ZDHHC23: variants seen among roughly 807,000 people sequenced by gnomAD.
ZDHHC23 encodes the protein zDHHC palmitoyltransferase 23.
A neutral mutation model predicts 40.2 loss-of-function variants in ZDHHC23; 41 were observed. That is an observed-to-expected ratio of 1.02 (90% CI 0.79 to 1.32). ZDHHC23 has a LOEUF of 1.32. ZDHHC23 is among the 40% of genes most tolerant of loss of function. The pLI is 0.00. For missense variants in ZDHHC23, 471 were observed against 541.5 expected (o/e 0.87, Z 1.29); for synonymous variants, 204 against 210.2 (o/e 0.97, Z 0.26).
rs566514166 is a variant in ZDHHC23 at position 113,956,442 on chromosome 3, A to C, written c.976A>C (p.Ile326Leu). ...VYGITLTLDT[I>L]CRDRSVFTAL... ...TGGGATCACACTGACCTTGGACACCATTTGTAGAGACAGAAGTGTCTTCAC... is the reference window on the plus strand; with the variant it reads ...TGGGATCACACTGACCTTGGACACCCTTTGTAGAGACAGAAGTGTCTTCAC... Residue 326 changes from isoleucine (I) to leucine (L), a missense_variant, in exon 4 of 5, where the codon ATT (isoleucine) becomes CTT (leucine). Physicochemically the swap from Ile to Leu is conservative, Grantham distance 5. Transcript: ENST00000638807. 1 of 1,614,190 alleles carries C rather than the reference A, an allele frequency of 6.2e-7. No individual in the cohort carries two copies. The highest frequency in any genetic ancestry group is 1.1e-5 in the South Asian group (1 of 91,074).
At chr3:113,955,652 T>C (rs1220848842) in intron 3 of ZDHHC23, among the ~76,000 whole-genome samples, 2 of 152,236 alleles carry the variant, frequency 1.3e-5, no homozygotes, top group African/African-American at 2.4e-5. Flanking sequence ...TTTCCCATAC[T>C]ATGTAATACT....
chr3:113,967,897 T>C (rs1192291067), downstream of ZDHHC23, among the ~76,000 whole-genome samples: 7 of 152,238 alleles, frequency 4.6e-5, no homozygotes, highest in Admixed American at 6.5e-5. Context: ...TATTTGTCTT[T>C]CTGTGCTTGA....
At chr3:113,957,184 A>G (rs958564071) in intron 4 of ZDHHC23, among the ~76,000 whole-genome samples, 1 of 152,074 alleles carries the variant, frequency 6.6e-6, no homozygotes, top group African/African-American at 2.4e-5. Context: ...CCCTCTGCCC[A>G]TGCTCTTTAT....
chr3:113,954,313 G>A lies in ZDHHC23; in HGVS notation c.775G>A (p.Asp259Asn). The A allele has an allele frequency of 6.2e-7, 1 of 1,614,108 alleles. No individual in the cohort carries two copies. The highest frequency in any genetic ancestry group is 8.5e-7 in the Non-Finnish European group (1 of 1,179,950). ...PAGSPTKAKE[D>N]WCAKCQLVRP... ...TGGAAGCCCCACCAAAGCGAAGGAG[G>A]ACTGGTGTGCCAAGTGCCAGCTGGT... Residue 259 changes from aspartate (D) to asparagine (N), a missense_variant, in exon 3 of 5, where the codon GAC (aspartate) becomes AAC (asparagine). By Grantham distance (23) the Asp-to-Asn change is conservative. Around this residue, in one of 3 missense-constraint regions of ZDHHC23, gnomAD observed 346 missense variants for 399.8 expected, o/e 0.87. Coordinates refer to ENST00000638807, the MANE Select transcript of ZDHHC23 (RefSeq NM_001320466.2).
chr3:113,955,391 T>TGTGTGTGCGC (rs58421915), intron 3 of ZDHHC23, among the ~76,000 whole-genome samples: 3 of 149,060 alleles, frequency 2.0e-5, no homozygotes, highest in African/African-American at 7.5e-5. Context: ...TGTGTGTGTG[T>TGTGTGTGCGC]GCGTGTGTGT....
chr3:113,972,756 A>G, the ZDHHC23 span, among the ~76,000 whole-genome samples: 8 of 152,114 alleles, frequency 5.3e-5, no homozygotes, highest in African/African-American at 1.7e-4. Flanking sequence ...GTGCATAGAT[A>G]TTTATAATTG....
In ZDHHC23 at chr3:113,948,705, G is replaced by T. The variant is rs1938368047; in HGVS notation, c.-98G>T. On this transcript the variant is annotated 5_prime_UTR_variant, in exon 2 of 5. Transcript: ENST00000638807. ...GCTCAGGCGTTGGAGGTTAAGCAGA[G>T]AGAGAGAGGCGTGGACCTATTTACG... The T allele has an allele frequency of 1.4e-6, 2 of 1,425,880 alleles. No homozygotes were observed. Among genetic ancestry groups the T allele is most frequent in the Non-Finnish European group, 1.9e-6 (2 of 1,036,152 alleles). 88.3% of individuals were successfully genotyped at this position (1,425,880 alleles called of 1,614,324 possible). A position where few individuals can be genotyped will look rare whatever the true frequency, so the allele number is the denominator to read the frequency against.
chr3:113,974,447 G>A, the ZDHHC23 span, among the ~76,000 whole-genome samples: 6 of 151,908 alleles, frequency 3.9e-5, no homozygotes, highest in South Asian at 1.2e-3. Flanking sequence ...AGGCTTCCGA[G>A]TAGGTGGGAC....
chr3:113,972,523 T>A, the ZDHHC23 span, among the ~76,000 whole-genome samples: 10 of 152,298 alleles, frequency 6.6e-5, no homozygotes, highest in African/African-American at 2.4e-4. Context: ...ATGTTCCATG[T>A]GCTGATAAAA....
chr3:113,971,790 T>C, the ZDHHC23 span, among the ~76,000 whole-genome samples: 1 of 152,100 alleles, frequency 6.6e-6, no homozygotes, highest in African/African-American at 2.4e-5. Flanking sequence ...ATTTAGCAGT[T>C]TGAAGCCATT....
rs1474491242 is a variant in ZDHHC23, at chr3:113,954,106, A to G, written c.568A>G (p.Lys190Glu). ...LILLALHRAK[K>E]NPGYLSNPAS... ...ACTCTTAGCCTTGCACAGAGCCAAG[A>G]AGAATCCAGGCTACCTCAGCAATCC... is the stretch of plus-strand genomic sequence containing the variant. The change falls in exon 3 of 5, where the codon AAG becomes GAG. Residue 190 changes from lysine (K) to glutamate (E), a missense_variant. Transcript: ENST00000638807. The G allele has an allele frequency of 6.2e-7, 1 of 1,614,226 alleles. No homozygotes were observed. Among genetic ancestry groups the G allele is most frequent in the African/African-American group, 1.3e-5 (1 of 75,058 alleles).
At position 113,956,601 on chromosome 3, in the gene ZDHHC23, C is replaced by CA. The variant is rs1400506546; in HGVS notation, c.1040+99dup. On this transcript the variant is annotated intron_variant, in intron 4 of 4. Coordinates refer to ENST00000638807, the MANE Select transcript of ZDHHC23 (RefSeq NM_001320466.2). ...TACTACTTGGTTAGGAGTTCTCAATCAAAACATAGGCCAGGCTATGGAAAT... is the reference window on the plus strand; with the variant it reads ...TACTACTTGGTTAGGAGTTCTCAATCAAAAACATAGGCCAGGCTATGGAAAT... 6.2e-6 allele frequency: 8 copies of CA among 1,292,868 alleles called. No homozygotes were observed. In the African/African-American group the frequency reaches 1.2e-4, roughly 19 times the overall value. 80.1% of individuals were successfully genotyped at this position (1,292,868 alleles called of 1,614,324 possible).
At position 113,958,485 on chromosome 3, in the gene ZDHHC23, C is replaced by T. The variant is rs1438730247; in HGVS notation, c.1163C>T (p.Ala388Val). Residue 388 changes from alanine (A) to valine (V), a missense_variant, in exon 5 of 5, where the codon GCC becomes GTC. This residue lies in a region of ZDHHC23 where 346 missense variants were observed against 399.8 expected (regional missense o/e 0.87). Transcript: ENST00000638807. ...GTGACTGAGCGGGAAGTCCAGCAGG[C>T]CCTCCGACAGAAGACTGGGCGCCGG... Reference protein sequence around the residue: ...YNVTEREVQQALRQKTGRRLL... With the variant: ...YNVTEREVQQVLRQKTGRRLL... The T allele has an allele frequency of 1.2e-6, 2 of 1,614,062 alleles. No homozygotes were observed. The highest frequency in any genetic ancestry group is 1.7e-5 in the Admixed American group (1 of 60,012).
chr3:113,963,910 G>T (rs1939866879), downstream of ZDHHC23, among the ~76,000 whole-genome samples: 1 of 149,904 alleles, frequency 6.7e-6, no homozygotes, highest in Non-Finnish European at 1.5e-5. Flanking sequence ...TTTCTTTAGT[G>T]GCCATTCATC....
At chr3:113,954,647 T>C (rs1253274676) in intron 3 of ZDHHC23, among the ~76,000 whole-genome samples, 1 of 152,082 alleles carries the variant, frequency 6.6e-6, no homozygotes, top group Non-Finnish European at 1.5e-5. Context: ...GTTTTTTTTT[T>C]CTCAATTTTC....
the ZDHHC23 span, chr3:113,978,296 A>C: frequency 6.2e-7 from 1 of 1,614,016 alleles, no homozygotes; most frequent in Non-Finnish European, 8.5e-7. Context: ...AATGTACACA[A>C]AATTTTCTTA....
At chr3:113,957,669 A>G in intron 4 of ZDHHC23, 1 of 493,190 alleles carries the variant, frequency 2.0e-6, no homozygotes, top group Non-Finnish European at 4.1e-6. Context: ...TTACAAATGA[A>G]GATTCTGAAT....
downstream of ZDHHC23, among the ~76,000 whole-genome samples, chr3:113,970,003 T>G (rs1444901601): frequency 1.3e-5 from 2 of 152,190 alleles, no homozygotes; most frequent in African/African-American, 2.4e-5. Context: ...TTCTATATGT[T>G]TGTGTCCTCT....
chr3:113,964,065 G>A (rs1939879277), downstream of ZDHHC23: 1 of 152,044 alleles, frequency 6.6e-6, no homozygotes, highest in Admixed American at 6.6e-5. Context: ...CGTGATAAAA[G>A]TATCTTAAGT....
Sources: allele counts gnomAD v4.1 joint callset (sites outside exome capture counted in the v4.1 genomes callset), GRCh38; gene constraint gnomAD v4.1.1; regional missense constraint gnomAD v4.1.1; transcripts MANE v1.5; gene names NCBI Gene and HGNC (gene_info 2026-07-23, HGNC 2026-07-21).